The following ERBIN variants were observed in gnomAD, a reference collection of about 807,000 sequenced individuals.
ERBIN encodes erbb2 interacting protein.
A neutral mutation model predicts 158.4 loss-of-function variants in ERBIN; 60 were observed. That is an observed-to-expected ratio of 0.38 (90% confidence interval 0.31 to 0.47). The LOEUF is 0.47. ERBIN is among the 20% of genes least tolerant of loss of function. The pLI, the probability that ERBIN is intolerant of heterozygous loss-of-function variation, is 0.99. For synonymous variants in ERBIN, 594 were observed against 557.2 expected (o/e 1.07, Z -0.93); for missense variants, 1,610 against 1,648.0 (o/e 0.98, Z 0.40).
chr5:66,061,108 T>G (rs2151266322), intron 21 of ERBIN, among the ~76,000 whole-genome samples: 1 of 152,272 alleles, frequency 6.6e-6, no homozygotes, highest in South Asian at 2.1e-4. Flanking sequence ...CTTGTTAACT[T>G]TCTGTCTTGT....
intron 1 of ERBIN, among the ~76,000 whole-genome samples, chr5:65,979,305 G>A (rs900654430): frequency 2.6e-5 from 4 of 152,138 alleles, no homozygotes; most frequent in Non-Finnish European, 4.4e-5. Flanking sequence ...GTGCATGCCT[G>A]TAGTCCCAAC....
At position 66,054,576 on chromosome 5, in the gene ERBIN, A is replaced by G. The variant is rs375577470; in HGVS notation, c.3258A>G (p.Val1086=). ...RQSSVSSTAS[V]NLGDPGSTRR... The stretch of plus-strand genomic sequence containing the variant: ...GTAGTGTGTCCTCCACAGCCTCTGT[A>G]AATCTTGGTGATCCAGGCTCTACAA... Residue 1086 remains valine, a synonymous_variant, in exon 21 of 26, where the codon GTA becomes GTG. Coordinates refer to ENST00000284037, the MANE Select transcript of ERBIN (RefSeq NM_001253697.2). 6.6e-5 allele frequency: 107 copies of G among 1,614,068 alleles called. No homozygotes were observed. Among genetic ancestry groups the G allele is most frequent in the African/African-American group, 8.0e-5 (6 of 74,918 alleles).
chr5:65,954,997 G>T (rs759934068), intron 1 of ERBIN, among the ~76,000 whole-genome samples: 14 of 151,916 alleles, frequency 9.2e-5, no homozygotes, highest in Admixed American at 6.6e-4. Context: ...CTCGGGAGGC[G>T]GAGGTTGCAG....
intron 1 of ERBIN, among the ~76,000 whole-genome samples, chr5:65,948,580 G>T (rs1746093198): frequency 6.6e-6 from 1 of 151,984 alleles, no homozygotes; most frequent in South Asian, 2.1e-4. Flanking sequence ...GTTTACAATG[G>T]TAGATTTTTT....
intron 10 of ERBIN, 187 bp from the exon 11 acceptor site, chr5:66,025,293 G>A (rs1756116707): frequency 3.3e-6 from 2 of 606,848 alleles, no homozygotes; most frequent in South Asian, 1.9e-5. Flanking sequence ...ATAGTGATGT[G>A]GATGAAGATT....
At chr5:66,063,616 C>T (rs558653162) in intron 21 of ERBIN, among the ~76,000 whole-genome samples, 138 of 152,230 alleles carry the variant, frequency 9.1e-4, no homozygotes, top group Non-Finnish European at 1.4e-3. Context: ...AGAAAACACC[C>T]GTCTTCTGCG....
In ERBIN at chr5:66,081,359, T is replaced by C. The variant is rs982764032; in HGVS notation, c.*2829T>C. On this transcript the variant is annotated 3_prime_UTR_variant, in exon 26 of 26. Transcript: ENST00000284037. ...TTTGGACTGGATATGAAGATATATA[T>C]ATATACACTTAATTCTTTTAAACAC... 1 of 152,044 alleles carries C rather than the reference T, an allele frequency of 6.6e-6. No homozygotes were observed. The highest frequency in any genetic ancestry group is 1.5e-5 in the Non-Finnish European group (1 of 67,904). The allele number at this position is 152,044 out of a possible 1,614,324, so 9.4% of individuals were successfully genotyped here.
intron 25 of ERBIN, among the ~76,000 whole-genome samples, chr5:66,077,778 A>ACACG (rs1217311312): frequency 1.5e-5 from 2 of 131,396 alleles, no homozygotes; most frequent in Admixed American, 7.2e-5. Context: ...ACACACACAC[A>ACACG]CACACACACA....
At chr5:66,073,425 C>G (rs1342659943) in intron 22 of ERBIN, among the ~76,000 whole-genome samples, 2 of 152,058 alleles carry the variant, frequency 1.3e-5, no homozygotes, top group Admixed American at 1.3e-4. Context: ...AAATGTAGGG[C>G]TAATATAGCC....
chr5:65,940,781 C>T (rs1279041090), intron 1 of ERBIN, among the ~76,000 whole-genome samples: 1 of 151,898 alleles, frequency 6.6e-6, no homozygotes, highest in Non-Finnish European at 1.5e-5. Context: ...AAGTGAGGAG[C>T]CCCTCTGCCC....
rs770222936 is a variant in ERBIN at position 66,026,404 on chromosome 5, T to A, written c.1123T>A (p.Leu375Ile). 1 of 1,583,042 alleles carries A rather than the reference T, an allele frequency of 6.3e-7. No homozygotes were observed. The highest frequency in any genetic ancestry group is 1.8e-5 in the Admixed American group (1 of 56,746). Residue 375 changes from leucine to isoleucine, a missense_variant, in exon 13 of 26, where the codon TTA becomes ATA. Around this residue, in one of 2 missense-constraint regions of ERBIN, gnomAD observed 596 missense variants for 711.9 expected, o/e 0.84. Transcript: ENST00000284037. ...TATGCAAAAATTAAAAGTCATTAAT[T>A]TAAGTGATAATAGGTTCGTAATACT... ...GDMQKLKVINLSDNRLKNLPF... is the reference protein window; with the variant it reads ...GDMQKLKVINISDNRLKNLPF...
intron 7 of ERBIN, among the ~76,000 whole-genome samples, chr5:66,015,431 T>C (rs182719826): frequency 2.6e-5 from 4 of 152,312 alleles, no homozygotes; most frequent in African/African-American, 9.6e-5. Flanking sequence ...ATGTACATAT[T>C]GTCTGTGGCT....
intron 2 of ERBIN, among the ~76,000 whole-genome samples, chr5:65,992,362 A>T (rs1236475404): frequency 3.3e-5 from 5 of 151,972 alleles, no homozygotes; most frequent in African/African-American, 7.3e-5. Context: ...GTTAGCCGGG[A>T]TGGTCTCATC....
intron 3 of ERBIN, 139 bp from the exon 4 acceptor site, chr5:65,994,608 C>T (rs1473073253): frequency 5.4e-6 from 3 of 554,370 alleles, no homozygotes; most frequent in Non-Finnish European, 9.6e-6. Context: ...AATAGCATAA[C>T]CAGAACAATG....
chr5:66,079,179 T>C lies in ERBIN; in HGVS notation c.*649T>C, dbSNP rs1166946696. ...TTATTAGGAGAATAATGCAATAAAA[T>C]ATGTAATGTCTTTTTTATAAAGCAA... On this transcript the variant is annotated 3_prime_UTR_variant, in exon 26 of 26. Coordinates refer to ENST00000284037, the MANE Select transcript of ERBIN (RefSeq NM_001253697.2). The C allele has an allele frequency of 6.6e-6, 1 of 152,654 alleles. No homozygotes were observed. The highest frequency in any genetic ancestry group is 1.5e-5 in the Non-Finnish European group (1 of 68,050). The allele number at this position is 152,654 out of a possible 1,614,324, so 9.5% of individuals were successfully genotyped here.
chr5:66,047,740 G>A (rs1262796012), intron 18 of ERBIN, among the ~76,000 whole-genome samples: 2 of 151,936 alleles, frequency 1.3e-5, no homozygotes, highest in Non-Finnish European at 2.9e-5. Context: ...TTTAAAAAAA[G>A]GATGGTTAAT....
At chr5:66,001,629 G>T (rs942265262) in intron 4 of ERBIN, among the ~76,000 whole-genome samples, 1 of 152,150 alleles carries the variant, frequency 6.6e-6, no homozygotes, top group Middle Eastern at 3.2e-3. Context: ...AAATGGATCA[G>T]TCTAGGAAGT....
In ERBIN at chr5:65,980,610, TG is replaced by T. The variant is rs1750548256; in HGVS notation, c.-57-8023del. ...TGGGTACTTGAAATGTAAAGACATT[TG>T]GTTAAAAGTAATCCATGGAAAATAT... On this transcript the variant is annotated intron_variant, in intron 1 of 25. Coordinates refer to ENST00000284037, the MANE Select transcript of ERBIN (RefSeq NM_001253697.2). Among the ~76,000 whole-genome samples, 4 of 152,250 alleles carry T rather than the reference TG, an allele frequency of 2.6e-5. No individual in the cohort carries two copies. The East Asian group carries it at 7.7e-4, about 29-fold the overall frequency.
chr5:66,074,967 A>G, intron 22 of ERBIN, 57 bp from the exon 23 acceptor site: 1 of 1,521,924 alleles, frequency 6.6e-7, no homozygotes, highest in African/African-American at 1.4e-5. Context: ...AGAAATCCAA[A>G]TATTTGAAAT....
Sources: allele counts gnomAD v4.1 joint callset (sites outside exome capture counted in the v4.1 genomes callset), GRCh38; gene constraint gnomAD v4.1.1; regional missense constraint gnomAD v4.1.1; transcripts MANE v1.5; gene names NCBI Gene and HGNC (gene_info 2026-07-23, HGNC 2026-07-21).